Variants in SPTBN1 observed in about 807,000 individuals in gnomAD.
SPTBN1 encodes spectrin beta, non-erythrocytic 1.
A neutral mutation model predicts 266.4 loss-of-function variants in SPTBN1; 32 were observed. The observed-to-expected ratio is 0.12, with a 90% confidence interval of 0.09 to 0.16. The LOEUF (loss-of-function observed/expected upper bound fraction) is 0.16. Ranked by LOEUF, SPTBN1 falls within the 10% of genes least tolerant of loss-of-function variation. The pLI is 1.00. For synonymous variants in SPTBN1, 1,336 were observed against 1,162.2 expected (o/e 1.15, Z -3.04); for missense variants, 2,296 against 3,067.1 (o/e 0.75, Z 5.94).
chr2:54,637,876 G>C, intron 18 of SPTBN1, 73 bp downstream of exon 18: 1 of 1,267,022 alleles, frequency 7.9e-7, no homozygotes, highest in East Asian at 2.4e-5. Context: ...TAGCACAAGA[G>C]CCTTTTGAAT....
At position 54,632,074 on chromosome 2, in the gene SPTBN1, T is replaced by G. The variant is rs1678770556; in HGVS notation, c.3564+463T>G. The stretch of plus-strand genomic sequence containing the variant: ...CCTGGTGGCAGGGTGAGACCCTGTC[T>G]CTTAAAAAAAAAAAAAAAAAAAAAG... On this transcript the variant is annotated intron_variant, in intron 16 of 35. Transcript: ENST00000356805. Among the ~76,000 whole-genome samples the G allele has an allele frequency of 4.3e-5, 6 of 138,378 alleles. No homozygotes were observed. In the South Asian group the frequency reaches 1.4e-3, roughly 32 times the overall value. The allele number at this position is 138,378 out of a possible 152,430, so 90.8% of individuals were successfully genotyped here.
At chr2:54,511,396 A>T (rs1573304745) in intron 1 of SPTBN1, among the ~76,000 whole-genome samples, 1 of 152,192 alleles carries the variant, frequency 6.6e-6, no homozygotes, top group East Asian at 1.9e-4. Flanking sequence ...CTTCGGATTG[A>T]TCAGGTTTAA....
At chr2:54,521,627 C>T (rs1670444886) in intron 1 of SPTBN1, among the ~76,000 whole-genome samples, 1 of 152,128 alleles carries the variant, frequency 6.6e-6, no homozygotes, top group Non-Finnish European at 1.5e-5. Flanking sequence ...GATCCTCCCA[C>T]CTCAGCCTCC....
chr2:54,543,479 C>G (rs1672054689), intron 2 of SPTBN1, among the ~76,000 whole-genome samples: 1 of 152,090 alleles, frequency 6.6e-6, no homozygotes, highest in Admixed American at 6.5e-5. Flanking sequence ...GGCACATGTT[C>G]TGATGGCCTG....
intron 2 of SPTBN1, among the ~76,000 whole-genome samples, chr2:54,593,732 A>G (rs1675839210): frequency 6.6e-6 from 1 of 151,666 alleles, no homozygotes; most frequent in African/African-American, 2.4e-5. Context: ...AGAGTTACCC[A>G]ATAATGCAGC....
At chr2:54,577,733 T>C (rs1242165531) in intron 2 of SPTBN1, among the ~76,000 whole-genome samples, 1 of 152,174 alleles carries the variant, frequency 6.6e-6, no homozygotes, top group Non-Finnish European at 1.5e-5. Context: ...GGAGCCAGGA[T>C]TCCAACCCAC....
At chr2:54,652,568 A>G (rs1238011175) in intron 26 of SPTBN1, 1 of 152,242 alleles carries the variant, frequency 6.6e-6, no homozygotes, top group Admixed American at 6.5e-5. Flanking sequence ...CGTATCCTAA[A>G]TATGCAAGAA....
intron 2 of SPTBN1, among the ~76,000 whole-genome samples, chr2:54,531,182 G>C (rs1024780328): frequency 6.6e-6 from 1 of 152,194 alleles, no homozygotes; most frequent in African/African-American, 2.4e-5. Flanking sequence ...TATTGAACCT[G>C]AGGGGGTTCT....
chr2:54,469,860 A>G (rs1693827538), intron 1 of SPTBN1, among the ~76,000 whole-genome samples: 1 of 152,208 alleles, frequency 6.6e-6, no homozygotes, highest in Non-Finnish European at 1.5e-5. Context: ...AGTTGTCCCT[A>G]AATACCCAAT....
intron 1 of SPTBN1, among the ~76,000 whole-genome samples, chr2:54,459,171 T>G (rs1693228300): frequency 6.6e-6 from 1 of 152,232 alleles, no homozygotes; most frequent in Non-Finnish European, 1.5e-5. Context: ...GGTTAAGCTC[T>G]TTGTAACTCT....
rs557463497 is a variant in SPTBN1, at chr2:54,512,265, G to T, written c.-47-14107G>T. On this transcript the variant is annotated intron_variant, in intron 1 of 35. Coordinates refer to ENST00000356805, the MANE Select transcript of SPTBN1 (RefSeq NM_003128.3). ...ATAATTATTTGAATGTTTTTTCTAG[G>T]ATTGATATTCTCTTCCTTTCAAGTA... Among the ~76,000 whole-genome samples, 4 of 152,224 alleles carry T rather than the reference G, an allele frequency of 2.6e-5. No individual in the cohort carries two copies. The East Asian group carries it at 7.7e-4, about 29-fold the overall frequency.
chr2:54,464,838 C>A lies in SPTBN1; in HGVS notation c.-48+8320C>A, dbSNP rs115346919. Reference sequence around the variant, plus strand: ...CCAAGTAGTTGCAGGCGTGTACCACCACACAGGGCTAATTTTTAAACCTTA... The same window carrying A: ...CCAAGTAGTTGCAGGCGTGTACCACAACACAGGGCTAATTTTTAAACCTTA... On this transcript the variant is annotated intron_variant, in intron 1 of 35. Transcript: ENST00000356805. 4.7e-3 allele frequency among the ~76,000 whole-genome samples: 722 copies of A among 152,230 alleles called. 2 individuals carry two copies. The highest frequency in any genetic ancestry group is 0.017 in the African/African-American group (703 of 41,540).
chr2:54,481,734 G>A (rs1336801554), intron 1 of SPTBN1, among the ~76,000 whole-genome samples: 4 of 152,188 alleles, frequency 2.6e-5, no homozygotes, highest in Non-Finnish European at 2.9e-5. Flanking sequence ...AGAGCTTACT[G>A]TTAGGCGCAG....
intron 32 of SPTBN1, chr2:54,663,679 C>CT (rs1235500843): frequency 6.6e-6 from 1 of 152,300 alleles, no homozygotes; most frequent in Non-Finnish European, 1.5e-5. Flanking sequence ...CTGGTTCTGT[C>CT]TTTGTTTGGG....
At chr2:54,494,905 G>A (rs1027545944) in intron 1 of SPTBN1, among the ~76,000 whole-genome samples, 1 of 111,312 alleles carries the variant, frequency 9.0e-6, no homozygotes, top group African/African-American at 4.6e-5. Context: ...CCTGAATAAA[G>A]CTGTTTTTTT....
chr2:54,653,177 T>C lies in SPTBN1; in HGVS notation c.5578-432T>C, dbSNP rs1172034082. ...AGGCGATACATACATTGTATTCACA[T>C]AGCAATGAGAAGTCATTTTCAAAAT... On this transcript the variant is annotated intron_variant, in intron 26 of 35. Coordinates refer to ENST00000356805, the MANE Select transcript of SPTBN1 (RefSeq NM_003128.3). This position sits in a 1 kb window ranked among gnomAD's most constrained non-coding sequence, Gnocchi z 5.1. 2 of 160,194 alleles carry C rather than the reference T, an allele frequency of 1.2e-5. No individual in the cohort carries two copies. The highest frequency in any genetic ancestry group is 4.8e-5 in the African/African-American group (2 of 41,526). The allele number at this position is 160,194 out of a possible 1,614,324, so 9.9% of individuals were successfully genotyped here.
At chr2:54,635,638 G>C (rs1679070813) in intron 17 of SPTBN1, among the ~76,000 whole-genome samples, 1 of 152,232 alleles carries the variant, frequency 6.6e-6, no homozygotes, top group African/African-American at 2.4e-5. Context: ...TTCCGTGAGA[G>C]GCGAGGATGT....
At position 54,664,229 on chromosome 2, in the gene SPTBN1, A is replaced by G; in HGVS notation, c.6421-224A>G. On this transcript the variant is annotated intron_variant, in intron 32 of 35. Transcript: ENST00000356805. The surrounding 1 kb of genome is among the most constrained non-coding windows in gnomAD (Gnocchi z 5.6). ...AGAGTGCAGTAAAACTCATACTGGC[A>G]TTTCGCTTTTCTCATTTCCCTGTAA... 3 of 534,414 alleles carry G rather than the reference A, an allele frequency of 5.6e-6. No homozygotes were observed. Among genetic ancestry groups the G allele is most frequent in the Non-Finnish European group, 1.0e-5 (3 of 300,726 alleles). The allele number at this position is 534,414 out of a possible 1,614,324, so 33.1% of individuals were successfully genotyped here. A position where few individuals can be genotyped will look rare whatever the true frequency, so the allele number is the denominator to read the frequency against.
At position 54,627,970 on chromosome 2, in the gene SPTBN1, TG is replaced by T. The variant is rs1678466385; in HGVS notation, c.1645-123del. ...TGGCCATCATCTTCCCCTGAAGGTGTGGGGTCCATGGCAGACTAGAGGGAAG... is the reference window on the plus strand; with the variant it reads ...TGGCCATCATCTTCCCCTGAAGGTGTGGGTCCATGGCAGACTAGAGGGAAG... On this transcript the variant is annotated intron_variant, in intron 12 of 35. Coordinates refer to ENST00000356805, the MANE Select transcript of SPTBN1 (RefSeq NM_003128.3). 6 of 1,068,448 alleles carry T rather than the reference TG, an allele frequency of 5.6e-6. No homozygotes were observed. In the Admixed American group the frequency reaches 9.4e-5, roughly 17 times the overall value. The allele number at this position is 1,068,448 out of a possible 1,614,324, so 66.2% of individuals were successfully genotyped here. A position where few individuals can be genotyped will look rare whatever the true frequency, so the allele number is the denominator to read the frequency against.
Sources: gnomAD v4.1 joint callset for allele counts (sites outside exome capture counted in the v4.1 genomes callset) on GRCh38, gnomAD v4.1.1 for gene constraint, Gnocchi (gnomAD v3.1) non-coding constraint, MANE v1.5 for transcripts, NCBI Gene and HGNC (gene_info 2026-07-23, HGNC 2026-07-21) for gene names.